The following PPM1L variants were observed in gnomAD, a reference collection of about 807,000 sequenced individuals.
The protein encoded by PPM1L is protein phosphatase 1L.
Under a neutral mutation model 31.4 loss-of-function variants are expected in PPM1L, and 13 were observed. The observed-to-expected ratio is 0.41, with a 90% CI of 0.27 to 0.66. The LOEUF is 0.66. Among genes scored for constraint, PPM1L ranks in the 30% least tolerant of loss-of-function variants. The pLI is 0.29. For missense variants in PPM1L, 326 were observed against 453.7 expected, an observed-to-expected ratio of 0.72 and a Z score of 2.56; for synonymous variants, 184 against 175.4, an observed-to-expected ratio of 1.05 and a Z score of -0.39.
rs867233998 is a variant in PPM1L, at chr3:160,786,129, C to T, written c.399+29422C>T. 2.5e-3 allele frequency among the ~76,000 whole-genome samples: 217 copies of T among 85,864 alleles called. 1 individual carries two copies. The highest frequency in any genetic ancestry group is 0.012 in the African/African-American group (187 of 16,016). The allele number at this position is 85,864 out of a possible 152,430, so 56.3% of individuals were successfully genotyped here. ...TGGATAAAGATGGAATCTCATTTTT[C>T]TCTCTCTCTCTCTCTCTCTCTCTCT... On this transcript the variant is annotated intron_variant, in intron 1 of 3. Transcript: ENST00000498165.
intron 1 of PPM1L, among the ~76,000 whole-genome samples, chr3:160,948,589 C>G (rs1482869932): frequency 6.6e-6 from 1 of 152,100 alleles, no homozygotes; most frequent in Admixed American, 6.6e-5. Context: ...GCCTGATTGC[C>G]CACAAGCTGT....
In PPM1L at chr3:160,756,859, C is replaced by A; in HGVS notation, c.399+152C>A. The stretch of plus-strand genomic sequence containing the variant: ...TGCGAGGGGCGTGGTGATGACACCA[C>A]GGTGCCTGGCTGGACAAATGCGGCT... On this transcript the variant is annotated intron_variant, in intron 1 of 3. Transcript: ENST00000498165. The surrounding 1 kb of genome is among the most constrained non-coding windows in gnomAD (Gnocchi z 6.2). 1 of 861,494 alleles carries A rather than the reference C, an allele frequency of 1.2e-6. No homozygotes were observed. The highest frequency in any genetic ancestry group is 2.7e-5 in the East Asian group (1 of 37,306). The allele number at this position is 861,494 out of a possible 1,614,324, so 53.4% of individuals were successfully genotyped here.
At chr3:160,973,776 T>G (rs1018111366) in intron 2 of PPM1L, among the ~76,000 whole-genome samples, 11 of 46,350 alleles carry the variant, frequency 2.4e-4, no homozygotes, top group African/African-American at 8.7e-4. Context: ...TTTTTTTTTT[T>G]TTTTTTTTTT....
intron 1 of PPM1L, among the ~76,000 whole-genome samples, chr3:160,831,574 G>A (rs1435590349): frequency 6.6e-6 from 1 of 152,132 alleles, no homozygotes; most frequent in Non-Finnish European, 1.5e-5. Context: ...GGTGGCCAGG[G>A]CCCTCATGGG....
At chr3:160,879,912 G>T (rs1712648294) in intron 1 of PPM1L, among the ~76,000 whole-genome samples, 2 of 152,170 alleles carry the variant, frequency 1.3e-5, no homozygotes, top group South Asian at 2.1e-4. Context: ...GAGGTCTGCA[G>T]TATGATTGCC....
At chr3:160,890,434 G>A (rs1224469031) in intron 1 of PPM1L, among the ~76,000 whole-genome samples, 2 of 152,074 alleles carry the variant, frequency 1.3e-5, no homozygotes, top group Non-Finnish European at 1.5e-5. Flanking sequence ...CTAACGAGAT[G>A]TGAAGGACCT....
intron 1 of PPM1L, among the ~76,000 whole-genome samples, chr3:160,837,692 A>G (rs1307614138): frequency 1.3e-5 from 2 of 152,194 alleles, no homozygotes; most frequent in Non-Finnish European, 1.5e-5. Flanking sequence ...GATCAGATTT[A>G]GATTGCCAAG....
intron 1 of PPM1L, among the ~76,000 whole-genome samples, chr3:160,790,769 A>T (rs139454565): frequency 6.6e-6 from 1 of 152,242 alleles, no homozygotes; most frequent in Non-Finnish European, 1.5e-5. Flanking sequence ...AGAGATTACC[A>T]TGGGAAGACC....
At chr3:160,809,679 T>G (rs74578689) in intron 1 of PPM1L, among the ~76,000 whole-genome samples, 13,936 of 152,178 alleles carry the variant, frequency 0.092, 977 homozygotes, top group African/African-American at 0.19. Flanking sequence ...CTTGTGTCCT[T>G]GCTTGCTCTT....
intron 1 of PPM1L, among the ~76,000 whole-genome samples, chr3:160,826,051 T>TCTGCCTGCCAGACCCTGTG (rs147719289): frequency 0.026 from 3,922 of 152,140 alleles, 172 homozygotes; most frequent in African/African-American, 0.087. Context: ...CTTGACTTGT[T>TCTGCCTGCCAGACCCTGTG]CTGCCTGCCA....
At chr3:160,953,992 A>G (rs1715653362) in intron 1 of PPM1L, among the ~76,000 whole-genome samples, 1 of 152,214 alleles carries the variant, frequency 6.6e-6, no homozygotes, top group African/African-American at 2.4e-5. Context: ...TACCTTGTAA[A>G]GAAGTGACCA....
At chr3:161,032,786 G>A (rs62282275) in intron 2 of PPM1L, among the ~76,000 whole-genome samples, 10,990 of 150,818 alleles carry the variant, frequency 0.073, 474 homozygotes, top group African/African-American at 0.12. Flanking sequence ...TCCGCCTCCC[G>A]GGTTCAAGTG....
chr3:160,829,637 G>A (rs999516255), intron 1 of PPM1L, among the ~76,000 whole-genome samples: 1 of 152,084 alleles, frequency 6.6e-6, no homozygotes. Flanking sequence ...TTTCCTTCTT[G>A]CCTCACTAAC....
rs189850373 is a variant in PPM1L at position 160,887,626 on chromosome 3, G to A, written c.400-74110G>A. Among the ~76,000 whole-genome samples, 550 of 142,756 alleles carry A rather than the reference G, an allele frequency of 3.9e-3. 2 individuals are homozygous for A. Among genetic ancestry groups the A allele is most frequent in the African/African-American group, 0.014 (522 of 37,968 alleles). The allele number at this position is 142,756 out of a possible 152,430, so 93.7% of individuals were successfully genotyped here. On this transcript the variant is annotated intron_variant, in intron 1 of 3. Transcript: ENST00000498165. ...GATGGAGTCTCGCTCTGTCACCCAC[G>A]CTGGAGTGCAGTGGCGCAATCTTGG...
chr3:160,843,660 C>G (rs1713979171), intron 1 of PPM1L, among the ~76,000 whole-genome samples: 1 of 151,504 alleles, frequency 6.6e-6, no homozygotes, highest in African/African-American at 2.4e-5. Context: ...TGTTCCCCTT[C>G]CTGTGTCCAA....
chr3:160,768,292 G>T (rs886979487), intron 1 of PPM1L, among the ~76,000 whole-genome samples: 11 of 152,106 alleles, frequency 7.2e-5, no homozygotes, highest in Non-Finnish European at 1.3e-4. Flanking sequence ...TCATCAAGGA[G>T]ATTCCACATT....
intron 2 of PPM1L, among the ~76,000 whole-genome samples, chr3:160,980,395 G>T (rs1432476799): frequency 1.3e-5 from 2 of 151,924 alleles, no homozygotes; most frequent in African/African-American, 4.8e-5. Flanking sequence ...AAAGATAATG[G>T]GCCAGGCACA....
At chr3:160,996,854 A>G (rs1378398098) in intron 2 of PPM1L, among the ~76,000 whole-genome samples, 2 of 152,222 alleles carry the variant, frequency 1.3e-5, no homozygotes, top group Non-Finnish European at 1.5e-5. Flanking sequence ...ACACATCATG[A>G]AGATTGTGTT....
intron 1 of PPM1L, among the ~76,000 whole-genome samples, chr3:160,772,471 A>T (rs1258300829): frequency 6.6e-6 from 1 of 152,200 alleles, no homozygotes; most frequent in East Asian, 1.9e-4. Context: ...TGGTGGCTTT[A>T]TGATAAAGGG....
Sources: allele counts gnomAD v4.1 joint callset (sites outside exome capture counted in the v4.1 genomes callset), GRCh38; gene constraint gnomAD v4.1.1; non-coding constraint Gnocchi (gnomAD v3.1); transcripts MANE v1.5; gene names NCBI Gene and HGNC (gene_info 2026-07-23, HGNC 2026-07-21).